Variants in APBA1 observed in about 807,000 individuals in gnomAD.
The protein encoded by APBA1 is amyloid-beta A4 precursor protein-binding family A member 1.
In APBA1, 55 loss-of-function variants were observed where a neutral mutation model predicts 86.6. That is an observed-to-expected ratio of 0.64 (90% CI 0.51 to 0.80). The LOEUF is 0.80. APBA1 is among the 30% of genes least tolerant of loss of function. The pLI is 0.00. For synonymous variants in APBA1, 511 were observed against 493.9 expected (o/e 1.03, Z -0.46); for missense variants, 1,090 against 1,183.0 (o/e 0.92, Z 1.15).
At chr9:69,628,396 CA>C (rs1355948226) in intron 1 of APBA1, among the ~76,000 whole-genome samples, 4 of 152,054 alleles carry the variant, frequency 2.6e-5, no homozygotes, top group African/African-American at 9.7e-5. Context: ...ATGTGTTATG[CA>C]GAAATAGAAG....
At chr9:69,576,974 ATTT>A (rs1329484545) in intron 1 of APBA1, among the ~76,000 whole-genome samples, 1 of 152,070 alleles carries the variant, frequency 6.6e-6, no homozygotes, top group South Asian at 2.1e-4. Flanking sequence ...AAATCTTTTA[ATTT>A]TTATTTTTTG....
chr9:69,527,963 G>A (rs535244788), intron 1 of APBA1, among the ~76,000 whole-genome samples: 5 of 152,006 alleles, frequency 3.3e-5, no homozygotes, highest in Non-Finnish European at 7.4e-5. Context: ...GCTTTTTGAT[G>A]TTCTCCAAAT....
chr9:69,648,605 T>C (rs941047392), intron 1 of APBA1, among the ~76,000 whole-genome samples: 1 of 152,192 alleles, frequency 6.6e-6, no homozygotes, highest in African/African-American at 2.4e-5. Context: ...ACCCAGCTAT[T>C]ATAGAGCTCT....
intron 1 of APBA1, among the ~76,000 whole-genome samples, chr9:69,596,078 C>T (rs539345376): frequency 6.6e-6 from 1 of 152,234 alleles, no homozygotes; most frequent in South Asian, 2.1e-4. Flanking sequence ...ATCTTTAACT[C>T]TTTGGCTCAA....
At position 69,430,632 on chromosome 9, in the gene APBA1, A is replaced by C. The variant is rs1834573824; in HGVS notation, c.*695T>G. 6.6e-6 allele frequency: 1 copy of C among 152,484 alleles called. No homozygotes were observed. Among genetic ancestry groups the C allele is most frequent in the Admixed American group, 6.5e-5 (1 of 15,282 alleles). 9.4% of individuals were successfully genotyped at this position (152,484 alleles called of 1,614,324 possible). A position where few individuals can be genotyped will look rare whatever the true frequency, so the allele number is the denominator to read the frequency against. The stretch of plus-strand genomic sequence containing the variant: ...TGATAACTTGAGGACAACCTGGTAA[A>C]GCTTCAGATGCCCCATGAATTGCCA... On this transcript the variant is annotated 3_prime_UTR_variant, in exon 13 of 13. Coordinates refer to ENST00000265381, the MANE Select transcript of APBA1 (RefSeq NM_001163.4).
At chr9:69,540,661 G>T (rs1836591337) in intron 1 of APBA1, among the ~76,000 whole-genome samples, 1 of 152,156 alleles carries the variant, frequency 6.6e-6, no homozygotes, top group Non-Finnish European at 1.5e-5. Context: ...CTGCACTGGT[G>T]CTATCATAGC....
chr9:69,525,788 G>A (rs1836333126), intron 1 of APBA1, among the ~76,000 whole-genome samples: 1 of 152,196 alleles, frequency 6.6e-6, no homozygotes, highest in Non-Finnish European at 1.5e-5. Flanking sequence ...AGCAAAGCCA[G>A]AGGTATCACA....
intron 5 of APBA1, chr9:69,461,494 T>C (rs1333419036): frequency 6.6e-6 from 1 of 152,196 alleles, no homozygotes; most frequent in Non-Finnish European, 1.5e-5. Context: ...TCCTTCAAAG[T>C]ATTTCACATA....
intron 1 of APBA1, among the ~76,000 whole-genome samples, chr9:69,636,092 A>G (rs1479709344): frequency 1.3e-5 from 2 of 152,346 alleles, no homozygotes; most frequent in South Asian, 2.1e-4. Flanking sequence ...CAGGCAAAGG[A>G]TCTGACATTT....
At chr9:69,471,361 G>A (rs1835363398) in intron 4 of APBA1, among the ~76,000 whole-genome samples, 2 of 152,144 alleles carry the variant, frequency 1.3e-5, no homozygotes, top group Non-Finnish European at 2.9e-5. Flanking sequence ...AGGAGACTTG[G>A]GTTTTGGATC....
At chr9:69,515,874 C>A in intron 2 of APBA1, 137 bp downstream of exon 2, 1 of 914,146 alleles carries the variant, frequency 1.1e-6, no homozygotes, top group Non-Finnish European at 1.6e-6. Context: ...GTTTCTGAGG[C>A]TTACGGTGGA....
In APBA1 at chr9:69,514,685, G is replaced by C. The variant is rs116477062; in HGVS notation, c.1200+1326C>G. The stretch of plus-strand genomic sequence containing the variant: ...GCACTTGGGGAGGCCGAGGTGAGTG[G>C]TTCACTTGTGGCCAGCGGTTCGAGA... On this transcript the variant is annotated intron_variant, in intron 2 of 12. Coordinates refer to ENST00000265381, the MANE Select transcript of APBA1 (RefSeq NM_001163.4). Among the ~76,000 whole-genome samples the C allele has an allele frequency of 3.9e-3, 590 of 152,266 alleles. 2 individuals carry two copies. Among genetic ancestry groups the C allele is most frequent in the African/African-American group, 0.014 (563 of 41,558 alleles).
At chr9:69,504,539 G>A (rs1418021407) in intron 2 of APBA1, among the ~76,000 whole-genome samples, 2 of 152,050 alleles carry the variant, frequency 1.3e-5, no homozygotes, top group Non-Finnish European at 2.9e-5. Context: ...TGCAAGAGCC[G>A]TCACTATGGG....
rs1198449843 is a variant in APBA1, at chr9:69,431,370, A to G, written c.2471T>C (p.Met824Thr). ...EIHMKTMPAAMYRLLTAQEQP... is the reference protein window; with the variant it reads ...EIHMKTMPAATYRLLTAQEQP... Reference sequence around the variant, plus strand: ...CTCCTGGGCCGTCAGCAGCCTGTACATCGCGGCTGGCATTGTCTTCATATG... The same window carrying G: ...CTCCTGGGCCGTCAGCAGCCTGTACGTCGCGGCTGGCATTGTCTTCATATG... Residue 824 changes from methionine (M) to threonine (T), a missense_variant, in exon 13 of 13, where the codon ATG becomes ACG. Around this residue, in one of 6 missense-constraint regions of APBA1, gnomAD observed 17 missense variants for 30.3 expected, o/e 0.56. Coordinates refer to ENST00000265381, the MANE Select transcript of APBA1 (RefSeq NM_001163.4). 1 of 1,613,378 alleles carries G rather than the reference A, an allele frequency of 6.2e-7. No homozygotes were observed. Among genetic ancestry groups the G allele is most frequent in the Non-Finnish European group, 8.5e-7 (1 of 1,179,668 alleles).
intron 1 of APBA1, among the ~76,000 whole-genome samples, chr9:69,585,263 A>G (rs1228774630): frequency 1.3e-5 from 2 of 152,266 alleles, no homozygotes; most frequent in African/African-American, 4.8e-5. Flanking sequence ...AAAGCAGAGG[A>G]GAAAGACTTA....
At chr9:69,481,815 C>T (rs1458404111) in intron 2 of APBA1, among the ~76,000 whole-genome samples, 3 of 151,748 alleles carry the variant, frequency 2.0e-5, no homozygotes, top group African/African-American at 7.3e-5. Flanking sequence ...GAAATAACGC[C>T]GCATGTCTAC....
intron 2 of APBA1, among the ~76,000 whole-genome samples, chr9:69,484,448 C>G (rs544632687): frequency 6.6e-6 from 1 of 152,166 alleles, no homozygotes; most frequent in Non-Finnish European, 1.5e-5. Flanking sequence ...GGACCACTTC[C>G]CTGCAGACCC....
At chr9:69,659,496 T>G (rs1380608440) in intron 1 of APBA1, among the ~76,000 whole-genome samples, 3 of 152,124 alleles carry the variant, frequency 2.0e-5, no homozygotes, top group Admixed American at 1.3e-4. Context: ...CACCATGCAG[T>G]CCTCTCTAAG....
intron 2 of APBA1, among the ~76,000 whole-genome samples, chr9:69,501,196 T>A (rs557117733): frequency 1.3e-5 from 2 of 152,038 alleles, no homozygotes; most frequent in Non-Finnish European, 2.9e-5. Flanking sequence ...GTGGCCTGTG[T>A]CTAAACAGAA....
Sources: allele counts gnomAD v4.1 joint callset (sites outside exome capture counted in the v4.1 genomes callset), GRCh38; gene constraint gnomAD v4.1.1; regional missense constraint gnomAD v4.1.1; transcripts MANE v1.5; gene names NCBI Gene and HGNC (gene_info 2026-07-23, HGNC 2026-07-21).